TRPC1: variants seen among roughly 807,000 people sequenced by gnomAD.
TRPC1 encodes short transient receptor potential channel 1.
In TRPC1, 42 loss-of-function variants were observed where a neutral mutation model predicts 88.2. The observed-to-expected ratio is 0.48, with a 90% CI of 0.37 to 0.62. TRPC1 has a LOEUF of 0.62. Among genes scored for constraint, TRPC1 ranks in the 20% least tolerant of loss-of-function variants. The probability of loss-of-function intolerance (pLI) is 0.00; values close to 1 mark genes in which losing one functional copy is unlikely to be tolerated. For missense variants in TRPC1, 699 were observed against 957.3 expected, an observed-to-expected ratio of 0.73 and a Z score of 3.56; for synonymous variants, 288 against 331.8, an observed-to-expected ratio of 0.87 and a Z score of 1.43.
At chr3:142,781,073 T>C (rs1935943525) in intron 6 of TRPC1, 44 bp downstream of exon 6, 2 of 1,503,890 alleles carry the variant, frequency 1.3e-6, no homozygotes, top group Admixed American at 2.1e-5. Flanking sequence ...TTCTCTACAG[T>C]AGTCTAGTGG....
Position 142,724,792 on chromosome 3 carries a change from C to T in TRPC1, c.172+61C>T, listed in dbSNP as rs1365586606. 2 of 1,442,614 alleles carry T rather than the reference C, an allele frequency of 1.4e-6. No homozygotes were observed. The highest frequency in any genetic ancestry group is 9.2e-7 in the Non-Finnish European group (1 of 1,089,106). 89.4% of individuals were successfully genotyped at this position (1,442,614 alleles called of 1,614,324 possible). ...TGTCCTCCAGACCTTTAGTCCTCTC[C>T]CCCGCCTCAACTTATATCGGGGCAT... On this transcript the variant is annotated intron_variant, in intron 1 of 12. Transcript: ENST00000476941. The surrounding 1 kb of genome is among the most constrained non-coding windows in gnomAD (Gnocchi z 5.6).
chr3:142,756,361 CTTTTT>C (rs749438384), intron 4 of TRPC1, among the ~76,000 whole-genome samples: 2 of 136,586 alleles, frequency 1.5e-5, no homozygotes, highest in Non-Finnish European at 1.6e-5. Flanking sequence ...TATGATGGTT[CTTTTT>C]TTTTTTTTTT....
At chr3:142,765,815 A>G (rs999503345) in intron 4 of TRPC1, among the ~76,000 whole-genome samples, 1 of 152,196 alleles carries the variant, frequency 6.6e-6, no homozygotes, top group African/African-American at 2.4e-5. Context: ...AAATATCTGC[A>G]AAGTATGCAT....
In TRPC1 at chr3:142,738,463, A is replaced by G. The variant is rs544132294; in HGVS notation, c.327+1930A>G. Among the ~76,000 whole-genome samples, 65 of 152,348 alleles carry G rather than the reference A, an allele frequency of 4.3e-4. 1 individual carries two copies. The highest frequency in any genetic ancestry group is 6.9e-4 in the Non-Finnish European group (47 of 68,042). ...TATATTTGGTAAGTGTTGAGTGGTA[A>G]TAATATTTGACCATTTTATATTGCT... On this transcript the variant is annotated intron_variant, in intron 2 of 12. Transcript: ENST00000476941.
At chr3:142,754,205 GT>G (rs1185477730) in intron 4 of TRPC1, among the ~76,000 whole-genome samples, 2 of 151,638 alleles carry the variant, frequency 1.3e-5, no homozygotes, top group Non-Finnish European at 2.9e-5. Flanking sequence ...AACCATTGTA[GT>G]TTAGAAAAAC....
At chr3:142,736,277 TAGGCTTTTA>T (rs1034161944) in intron 1 of TRPC1, 93 bp from the exon 2 acceptor site, 1 of 879,394 alleles carries the variant, frequency 1.1e-6, no homozygotes, top group African/African-American at 1.7e-5. Context: ...AAAATGAGTT[TAGGCTTTTA>T]ATCTTTTAAT....
At chr3:142,789,871 A>G (rs555633385) in intron 7 of TRPC1, among the ~76,000 whole-genome samples, 1 of 152,302 alleles carries the variant, frequency 6.6e-6, no homozygotes, top group South Asian at 2.1e-4. Context: ...ACTTTTCAGG[A>G]CATTTGGAAA....
chr3:142,731,617 C>G (rs573246055), intron 1 of TRPC1, among the ~76,000 whole-genome samples: 9 of 151,864 alleles, frequency 5.9e-5, no homozygotes, highest in Non-Finnish European at 1.3e-4. Flanking sequence ...ATCTCCTGAC[C>G]TCATGATCCG....
At chr3:142,797,526 G>A (rs917765487) in intron 9 of TRPC1, among the ~76,000 whole-genome samples, 1 of 152,038 alleles carries the variant, frequency 6.6e-6, no homozygotes, top group Non-Finnish European at 1.5e-5. Context: ...ACTTGAAAGA[G>A]CTTGTATCTA....
chr3:142,736,348 T>C (rs1553799227), intron 1 of TRPC1, 31 bp from the exon 2 acceptor site: 1 of 1,503,188 alleles, frequency 6.7e-7, no homozygotes. Flanking sequence ...ATGTCACGGA[T>C]ATTAAATTAT....
chr3:142,731,426 C>A (rs1393777873), intron 1 of TRPC1, among the ~76,000 whole-genome samples: 1 of 143,328 alleles, frequency 7.0e-6, no homozygotes, highest in Non-Finnish European at 1.5e-5. Flanking sequence ...GCTCTGTCGC[C>A]CAGGCTAGAG....
chr3:142,727,830 C>G (rs892105711), intron 1 of TRPC1, among the ~76,000 whole-genome samples: 13 of 152,100 alleles, frequency 8.5e-5, no homozygotes, highest in African/African-American at 3.1e-4. Context: ...ACAGCCATGG[C>G]TTTGTCCTCT....
At chr3:142,735,888 A>G (rs1934116091) in intron 1 of TRPC1, among the ~76,000 whole-genome samples, 1 of 152,088 alleles carries the variant, frequency 6.6e-6, no homozygotes, top group Admixed American at 6.5e-5. Flanking sequence ...GCTTTTCCAA[A>G]GTGTTTTCTC....
intron 4 of TRPC1, among the ~76,000 whole-genome samples, 192 bp from the exon 5 acceptor site, chr3:142,777,440 G>C (rs1444846025): frequency 6.6e-6 from 1 of 151,878 alleles, no homozygotes; most frequent in Non-Finnish European, 1.5e-5. Context: ...AGATAGCAAG[G>C]TTTTTCAATA....
At position 142,806,362 on chromosome 3, in the gene TRPC1, ATATT is replaced by A; in HGVS notation, c.*131_*134del. ...AATTATGTAAAAGCCATTCTTTAAA[ATATT>A]TATAGCATAAATATATGTTATGTAA... On this transcript the variant is annotated 3_prime_UTR_variant, in exon 13 of 13. Coordinates refer to ENST00000476941, the MANE Select transcript of TRPC1 (RefSeq NM_001251845.2). The A allele has an allele frequency of 2.6e-6, 2 of 783,046 alleles. No homozygotes were observed. Among genetic ancestry groups the A allele is most frequent in the South Asian group, 2.1e-5 (1 of 46,680 alleles). The allele number at this position is 783,046 out of a possible 1,614,324, so 48.5% of individuals were successfully genotyped here. A position where few individuals can be genotyped will look rare whatever the true frequency, so the allele number is the denominator to read the frequency against.
At chr3:142,732,713 A>G (rs1933971081) in intron 1 of TRPC1, among the ~76,000 whole-genome samples, 1 of 152,200 alleles carries the variant, frequency 6.6e-6, no homozygotes, top group South Asian at 2.1e-4. Flanking sequence ...TGACTGAAAA[A>G]GACTACCATC....
intron 4 of TRPC1, among the ~76,000 whole-genome samples, chr3:142,750,328 T>C (rs1934709776): frequency 6.6e-6 from 1 of 152,202 alleles, no homozygotes; most frequent in South Asian, 2.1e-4. Context: ...TCATAATCAC[T>C]GGTCATTAGA....
At chr3:142,739,761 T>C (rs1201883651) in intron 2 of TRPC1, among the ~76,000 whole-genome samples, 2 of 151,860 alleles carry the variant, frequency 1.3e-5, no homozygotes, top group African/African-American at 4.8e-5. Context: ...TGGGAAAGGC[T>C]ATAGCCTATG....
chr3:142,762,941 A>C (rs1264005013), intron 4 of TRPC1, among the ~76,000 whole-genome samples: 2 of 152,182 alleles, frequency 1.3e-5, no homozygotes, highest in African/African-American at 4.8e-5. Context: ...TTGGTGATTG[A>C]AGAGTATGTT....
Sources: allele counts gnomAD v4.1 joint callset (sites outside exome capture counted in the v4.1 genomes callset), GRCh38; gene constraint gnomAD v4.1.1; non-coding constraint Gnocchi (gnomAD v3.1); transcripts MANE v1.5; gene names NCBI Gene and HGNC (gene_info 2026-07-23, HGNC 2026-07-21).